Variants in ANKRD11 observed in about 807,000 individuals in gnomAD.
ANKRD11 encodes ankyrin repeat domain-containing protein 11.
In ANKRD11, 17 loss-of-function variants were observed where a neutral mutation model predicts 195.7. The observed-to-expected ratio is 0.09, with a 90% CI of 0.06 to 0.13. ANKRD11 has a LOEUF of 0.13. Among genes scored for constraint, ANKRD11 ranks in the 10% least tolerant of loss-of-function variants. ANKRD11 has a pLI of 1.00. For missense variants in ANKRD11, 3,735 were observed against 3,566.1 expected (o/e 1.05, Z -1.21); for synonymous variants, 1,953 against 1,528.1 (o/e 1.28, Z -6.49).
chr16:89,307,441 G>C (rs565867378), intron 3 of ANKRD11, among the ~76,000 whole-genome samples: 2 of 152,262 alleles, frequency 1.3e-5, no homozygotes, highest in Non-Finnish European at 2.9e-5. Flanking sequence ...CAAGCTCAGA[G>C]TGCAACTGGA....
chr16:89,472,991 G>A (rs961272765), intron 1 of ANKRD11, among the ~76,000 whole-genome samples: 3 of 152,088 alleles, frequency 2.0e-5, no homozygotes, highest in Admixed American at 2.0e-4. Context: ...GAAGTTGGGA[G>A]ACCAGCCTGG....
intron 2 of ANKRD11, among the ~76,000 whole-genome samples, chr16:89,390,623 AG>A (rs1053311815): frequency 1.3e-5 from 2 of 152,320 alleles, no homozygotes; most frequent in African/African-American, 4.8e-5. Flanking sequence ...AAAATCTTAA[AG>A]GCAGTCAAAG....
intron 4 of ANKRD11, among the ~76,000 whole-genome samples, chr16:89,293,559 C>CAGA (rs2035210531): frequency 3.5e-5 from 4 of 114,726 alleles, no homozygotes; most frequent in Admixed American, 9.3e-5. Context: ...GGAGCTGGGG[C>CAGA]GGTATTGGGG....
chr16:89,427,541 AATCACAGC>A (rs1290093491), intron 1 of ANKRD11, among the ~76,000 whole-genome samples: 3 of 152,246 alleles, frequency 2.0e-5, no homozygotes. Flanking sequence ...TCACGCCTGT[AATCACAGC>A]ACTTTAGGAG....
At position 89,284,794 on chromosome 16, in the gene ANKRD11, C is replaced by T; in HGVS notation, c.1748G>A (p.Gly583Asp). 6.2e-7 allele frequency: 1 copy of T among 1,613,624 alleles called. No homozygotes were observed. The highest frequency in any genetic ancestry group is 8.5e-7 in the Non-Finnish European group (1 of 1,180,024). ...TGGCTTCAGCGATTCCACACTGGAGCCCTCAGAGGAGTAGTCAGACTCGCT... is the reference window on the plus strand; with the variant it reads ...TGGCTTCAGCGATTCCACACTGGAGTCCTCAGAGGAGTAGTCAGACTCGCT... ...LTSESDYSSEGSSVESLKPVR... is the reference protein window; with the variant it reads ...LTSESDYSSEDSSVESLKPVR... Residue 583 changes from glycine (G) to aspartate (D), a missense_variant, in exon 9 of 13, where the codon GGC (glycine) becomes GAC (aspartate). Coordinates refer to ENST00000301030, the MANE Select transcript of ANKRD11 (RefSeq NM_013275.6).
intron 2 of ANKRD11, among the ~76,000 whole-genome samples, chr16:89,329,627 G>C (rs1023171534): frequency 5.1e-5 from 5 of 97,414 alleles, no homozygotes; most frequent in Admixed American, 2.1e-4. Flanking sequence ...AAGGAATAAA[G>C]TAAAAAAACA....
chr16:89,397,246 C>A (rs2041479477), intron 2 of ANKRD11, among the ~76,000 whole-genome samples: 1 of 152,190 alleles, frequency 6.6e-6, no homozygotes, highest in Non-Finnish European at 1.5e-5. Flanking sequence ...GGAGACACAG[C>A]CATCAAGGCA....
intron 1 of ANKRD11, among the ~76,000 whole-genome samples, chr16:89,449,994 C>A (rs1289120890): frequency 6.6e-6 from 1 of 152,186 alleles, no homozygotes; most frequent in African/African-American, 2.4e-5. Flanking sequence ...CCTGCCTAAG[C>A]ACTGGGGAGC....
At chr16:89,489,547 C>T (rs1218215655) in intron 1 of ANKRD11, among the ~76,000 whole-genome samples, 2 of 151,524 alleles carry the variant, frequency 1.3e-5, no homozygotes, top group African/African-American at 4.8e-5. Flanking sequence ...GCCCGAGAGC[C>T]GCCTGCTCTC....
intron 1 of ANKRD11, among the ~76,000 whole-genome samples, chr16:89,446,687 TC>T (rs2043807709): frequency 1.3e-5 from 2 of 152,096 alleles, no homozygotes; most frequent in Non-Finnish European, 1.5e-5. Flanking sequence ...AGCCCTGAGA[TC>T]CTTGTGGCAG....
At chr16:89,270,682 C>T (rs974977732) in intron 12 of ANKRD11, 135 bp downstream of exon 12, 3 of 871,288 alleles carry the variant, frequency 3.4e-6, no homozygotes, top group Non-Finnish European at 5.6e-6. Flanking sequence ...TTAAGAGAAT[C>T]TGAAATTGTC....
At chr16:89,371,949 T>C (rs879633218) in intron 2 of ANKRD11, among the ~76,000 whole-genome samples, 7 of 152,036 alleles carry the variant, frequency 4.6e-5, no homozygotes, top group Admixed American at 6.5e-5. Context: ...GGCTGCTCCA[T>C]AGAAATCAGC....
intron 1 of ANKRD11, among the ~76,000 whole-genome samples, chr16:89,450,148 T>C (rs1326655094): frequency 6.6e-6 from 1 of 152,194 alleles, no homozygotes; most frequent in Non-Finnish European, 1.5e-5. Flanking sequence ...TGAGAGTACA[T>C]GATTCTGACT....
At chr16:89,306,321 G>GCCAC (rs2036237446) in intron 3 of ANKRD11, among the ~76,000 whole-genome samples, 2 of 68,174 alleles carry the variant, frequency 2.9e-5, no homozygotes, top group African/African-American at 1.3e-4. Flanking sequence ...GCAGACACGT[G>GCCAC]CCACCTCCCA....
rs1477224137 is a variant in ANKRD11, at chr16:89,301,777, T to C, written c.226+3429A>G. On this transcript the variant is annotated intron_variant, in intron 4 of 12. Coordinates refer to ENST00000301030, the MANE Select transcript of ANKRD11 (RefSeq NM_013275.6). Reference sequence around the variant, plus strand: ...ATTCACAACAGACAGAATCACATTGTTCTTGGCAGGCGGCCCCCAGCCCTG... The same window carrying C: ...ATTCACAACAGACAGAATCACATTGCTCTTGGCAGGCGGCCCCCAGCCCTG... 1.0e-5 allele frequency: 4 copies of C among 396,644 alleles called. 1 individual carries two copies. Among genetic ancestry groups the C allele is most frequent in the Non-Finnish European group, 1.3e-5 (3 of 225,262 alleles). The allele number at this position is 396,644 out of a possible 1,614,324, so 24.6% of individuals were successfully genotyped here.
At position 89,280,215 on chromosome 16, in the gene ANKRD11, C is replaced by G. The variant is rs762451776; in HGVS notation, c.6327G>C (p.Leu2109=). ...CCGGCTCCACCTGGCCGAGGTGAGA[C>G]AGGCCGCGGCTGCCGTCCAGGAAGC... ...ENSFLDGSRG[L]SHLGQVEPVP... is the part of the protein sequence containing the mutation. Residue 2109 remains leucine (L), a synonymous_variant, in exon 9 of 13, where the codon CTG becomes CTC. Transcript: ENST00000301030. 5.6e-6 allele frequency: 9 copies of G among 1,607,814 alleles called. No homozygotes were observed. In the African/African-American group the frequency reaches 6.7e-5, roughly 12 times the overall value.
chr16:89,328,311 C>T (rs901038804), intron 2 of ANKRD11, among the ~76,000 whole-genome samples: 1 of 152,196 alleles, frequency 6.6e-6, no homozygotes, highest in African/African-American at 2.4e-5. Context: ...TAAGTGTGCG[C>T]TTGCTGCCCC....
At chr16:89,354,262 A>G (rs2039365384) in intron 2 of ANKRD11, among the ~76,000 whole-genome samples, 1 of 149,306 alleles carries the variant, frequency 6.7e-6, no homozygotes, top group Admixed American at 6.7e-5. Context: ...AAAAAAAAAG[A>G]AAACTTCATG....
chr16:89,300,610 A>C (rs1597527229), intron 4 of ANKRD11: 1 of 470,484 alleles, frequency 2.1e-6, no homozygotes, highest in East Asian at 3.8e-5. Flanking sequence ...GAAGTCCCAC[A>C]GATACCAGTG....
Sources: gnomAD v4.1 joint callset for allele counts (sites outside exome capture counted in the v4.1 genomes callset) on GRCh38, gnomAD v4.1.1 for gene constraint, MANE v1.5 for transcripts, NCBI Gene and HGNC (gene_info 2026-07-23, HGNC 2026-07-21) for gene names.